Variants in MYO18B observed in about 807,000 individuals in gnomAD.
The protein encoded by MYO18B is myosin XVIIIB.
In MYO18B, 204 loss-of-function variants were observed where a neutral mutation model predicts 273.0. That is an observed-to-expected ratio of 0.75 (90% CI 0.67 to 0.84). The LOEUF is 0.84. MYO18B is among the 40% of genes least tolerant of loss of function. MYO18B has a pLI of 0.00. For missense variants in MYO18B, 3,212 were observed against 3,287.6 expected, an observed-to-expected ratio of 0.98 and a Z score of 0.56; for synonymous variants, 1,330 against 1,305.7, an observed-to-expected ratio of 1.02 and a Z score of -0.40.
Position 25,823,660 on chromosome 22 carries a change from G to A in MYO18B, c.2677G>A (p.Asp893Asn). Residue 893 changes from aspartate to asparagine, a missense_variant, in exon 13 of 44, where the codon GAT becomes AAT. By Grantham distance (23) the Asp-to-Asn change is conservative. Transcript: ENST00000335473. ...TFGPSRWGLE[D>N]EETSSGLKMT... ...TGGGCCAAGCCGATGGGGCCTCGAG[G>A]ATGAGGAAACCAGCTCAGGTACATG... is the stretch of plus-strand genomic sequence containing the variant. The A allele has an allele frequency of 6.2e-7, 1 of 1,613,974 alleles. No individual in the cohort carries two copies.
intron 13 of MYO18B, among the ~76,000 whole-genome samples, chr22:25,825,194 G>A (rs1336672433): frequency 6.6e-6 from 1 of 152,150 alleles, no homozygotes; most frequent in Non-Finnish European, 1.5e-5. Flanking sequence ...AACCTCTCAG[G>A]CTGAGGTCTC....
At chr22:25,967,622 G>GT (rs1035117500) in intron 39 of MYO18B, among the ~76,000 whole-genome samples, 30 of 152,340 alleles carry the variant, frequency 2.0e-4, no homozygotes, top group African/African-American at 6.7e-4. Flanking sequence ...AATTCAAAGT[G>GT]TATTTAGTGG....
chr22:25,992,924 G>T (rs917779361), intron 40 of MYO18B, among the ~76,000 whole-genome samples: 4 of 152,220 alleles, frequency 2.6e-5, no homozygotes, highest in Non-Finnish European at 4.4e-5. Flanking sequence ...TAGGGCTGTT[G>T]TTGAGAGTTA....
the MYO18B span, among the ~76,000 whole-genome samples, chr22:26,043,567 A>G: frequency 2.1e-5 from 3 of 144,358 alleles, no homozygotes; most frequent in African/African-American, 7.8e-5. Flanking sequence ...CTGGAGTGCA[A>G]TGGTGCGATC....
At chr22:25,978,661 A>G (rs1167563258) in intron 39 of MYO18B, among the ~76,000 whole-genome samples, 1 of 152,184 alleles carries the variant, frequency 6.6e-6, no homozygotes, top group East Asian at 1.9e-4. Flanking sequence ...GTTTAAAACT[A>G]TGTGAATCCT....
intron 15 of MYO18B, among the ~76,000 whole-genome samples, chr22:25,830,414 CCT>C (rs1569081046): frequency 6.6e-6 from 1 of 152,184 alleles, no homozygotes; most frequent in Non-Finnish European, 1.5e-5. Context: ...GTCTGGATGG[CCT>C]GGGCAGCTCT....
At chr22:26,053,086 C>T in the MYO18B span, among the ~76,000 whole-genome samples, 3 of 152,224 alleles carry the variant, frequency 2.0e-5, no homozygotes, top group East Asian at 1.9e-4. Flanking sequence ...GGATTACAGG[C>T]GTGAGCCACC....
chr22:26,048,325 C>A, the MYO18B span, among the ~76,000 whole-genome samples: 131 of 152,312 alleles, frequency 8.6e-4, no homozygotes, highest in Non-Finnish European at 8.1e-4. Flanking sequence ...AGACTCTAGA[C>A]CAATGTGATA....
intron 11 of MYO18B, among the ~76,000 whole-genome samples, chr22:25,785,937 CTT>C (rs2087367135): frequency 6.6e-6 from 1 of 152,190 alleles, no homozygotes; most frequent in African/African-American, 2.4e-5. Context: ...ATAGGGTGCT[CTT>C]TGTCAGTACT....
intron 25 of MYO18B, among the ~76,000 whole-genome samples, chr22:25,878,372 A>G (rs2091257263): frequency 6.6e-6 from 1 of 152,234 alleles, no homozygotes; most frequent in South Asian, 2.1e-4. Flanking sequence ...ATTTGACTAT[A>G]TTAAAATAAT....
chr22:25,750,757 C>T (rs909933495), intron 1 of MYO18B, among the ~76,000 whole-genome samples: 28 of 152,312 alleles, frequency 1.8e-4, no homozygotes, highest in Non-Finnish European at 3.5e-4. Flanking sequence ...TGGGTGGAGG[C>T]TGCAGGAGGC....
chr22:25,838,900 T>C (rs1211374605), intron 17 of MYO18B, among the ~76,000 whole-genome samples: 3 of 152,112 alleles, frequency 2.0e-5, no homozygotes, highest in African/African-American at 7.2e-5. Flanking sequence ...TCTGTGTCTA[T>C]ATGTGTATGT....
At chr22:25,962,756 G>A (rs2092931002) in intron 39 of MYO18B, among the ~76,000 whole-genome samples, 1 of 152,176 alleles carries the variant, frequency 6.6e-6, no homozygotes, top group Non-Finnish European at 1.5e-5. Flanking sequence ...AACTTGTATG[G>A]AGTTTCTTGA....
chr22:25,746,682 G>C (rs1371129722), intron 1 of MYO18B, among the ~76,000 whole-genome samples: 1 of 152,196 alleles, frequency 6.6e-6, no homozygotes, highest in African/African-American at 2.4e-5. Context: ...CAACATGGTA[G>C]CCATGAACCA....
chr22:25,935,789 C>G (rs1377468879), intron 34 of MYO18B, among the ~76,000 whole-genome samples: 1 of 152,178 alleles, frequency 6.6e-6, no homozygotes, highest in East Asian at 1.9e-4. Flanking sequence ...ATCCTGCCCA[C>G]AGGTCCCACC....
chr22:25,806,615 G>A (rs5761232), intron 12 of MYO18B, among the ~76,000 whole-genome samples: 10,024 of 152,280 alleles, frequency 0.066, 575 homozygotes, highest in East Asian at 0.21. Flanking sequence ...TTTGCTGTTC[G>A]CCAAGGCTCA....
intron 12 of MYO18B, among the ~76,000 whole-genome samples, chr22:25,821,440 G>A (rs1048708385): frequency 1.3e-5 from 2 of 151,752 alleles, no homozygotes; most frequent in African/African-American, 4.8e-5. Context: ...TCATGTATTT[G>A]TTAGTGAAAA....
chr22:25,922,220 C>T (rs2146449907), intron 34 of MYO18B, among the ~76,000 whole-genome samples: 1 of 152,306 alleles, frequency 6.6e-6, no homozygotes, highest in Non-Finnish European at 1.5e-5. Context: ...GAACCCAGGT[C>T]TTCAGGCTCT....
intron 12 of MYO18B, among the ~76,000 whole-genome samples, chr22:25,806,092 G>A (rs770672755): frequency 4.6e-5 from 7 of 152,212 alleles, no homozygotes; most frequent in Non-Finnish European, 8.8e-5. Context: ...ACAGGGCCTG[G>A]TACATAGTAT....
Sources: allele counts gnomAD v4.1 joint callset (sites outside exome capture counted in the v4.1 genomes callset), GRCh38; gene constraint gnomAD v4.1.1; transcripts MANE v1.5; gene names NCBI Gene and HGNC (gene_info 2026-07-23, HGNC 2026-07-21).